PPFIA4: variants seen among roughly 807,000 people sequenced by gnomAD.
PPFIA4 encodes PPFI scaffold protein A4, also known as liprin-alpha-4.
In PPFIA4, 98 loss-of-function variants were observed where a neutral mutation model predicts 145.7. That is an observed-to-expected ratio of 0.67 (90% CI 0.57 to 0.80). PPFIA4 has a LOEUF of 0.80. Among genes scored for constraint, PPFIA4 ranks in the 30% least tolerant of loss-of-function variants. The probability of loss-of-function intolerance (pLI) is 0.00; values close to 1 mark genes in which losing one functional copy is unlikely to be tolerated. For synonymous variants in PPFIA4, 628 were observed against 649.6 expected (o/e 0.97, Z 0.51); for missense variants, 1,457 against 1,632.7 (o/e 0.89, Z 1.85).
chr1:203,056,586 G>A (rs1224789210), intron 18 of PPFIA4, 78 bp downstream of exon 18: 5 of 1,528,294 alleles, frequency 3.3e-6, no homozygotes, highest in Non-Finnish European at 3.5e-6. Flanking sequence ...TGCAGGGACC[G>A]CATCTCCCCT....
chr1:203,051,781 C>G lies in PPFIA4; in HGVS notation c.1524C>G (p.Gly508=). 6.2e-7 allele frequency: 1 copy of G among 1,612,970 alleles called. No homozygotes were observed. Among genetic ancestry groups the G allele is most frequent in the Non-Finnish European group, 8.5e-7 (1 of 1,179,510 alleles). The change falls in exon 14 of 30, where the codon GGC becomes GGG. Residue 508 remains glycine, a synonymous_variant. Transcript: ENST00000295706. ...VDGVHSRSHM[G]SAADVRFSLG... is the part of the protein sequence containing the mutation. ...ATCACCGCTCAAGGTCGCACATGGG[C>G]AGTGCAGCAGACGTGCGGTTCTCCC...
intron 19 of PPFIA4, 134 bp from the exon 20 acceptor site, chr1:203,059,044 G>A (rs1310567044): frequency 7.4e-6 from 5 of 675,354 alleles, no homozygotes; most frequent in Non-Finnish European, 1.3e-5. Flanking sequence ...AGAAGCTCCA[G>A]GAATAATGGT....
At position 203,048,413 on chromosome 1, in the gene PPFIA4, C is replaced by T. The variant is rs1660240164; in HGVS notation, c.1224+103C>T. 1 of 1,483,620 alleles carries T rather than the reference C, an allele frequency of 6.7e-7. No individual in the cohort carries two copies. Among genetic ancestry groups the T allele is most frequent in the African/African-American group, 1.4e-5 (1 of 71,764 alleles). 91.9% of individuals were successfully genotyped at this position (1,483,620 alleles called of 1,614,324 possible). A position where few individuals can be genotyped will look rare whatever the true frequency, so the allele number is the denominator to read the frequency against. ...CGGAGGAAGGGCCTGGCCAGGGACA[C>T]AGCCACAGAGAGTGGGAGGAGGCTG... On this transcript the variant is annotated intron_variant, in intron 10 of 29. Coordinates refer to ENST00000295706, the MANE Select transcript of PPFIA4 (RefSeq NM_001304331.2). The surrounding 1 kb of genome is among the most constrained non-coding windows in gnomAD (Gnocchi z 5.8).
At chr1:203,072,981 C>T (rs1033260671) in intron 28 of PPFIA4, among the ~76,000 whole-genome samples, 1 of 150,088 alleles carries the variant, frequency 6.7e-6, no homozygotes, top group Admixed American at 6.6e-5. Context: ...TCCACATGCA[C>T]TCAGGATCTC....
At chr1:203,052,702 A>G (rs1660625088) in intron 14 of PPFIA4, among the ~76,000 whole-genome samples, 1 of 152,196 alleles carries the variant, frequency 6.6e-6, no homozygotes, top group African/African-American at 2.4e-5. Context: ...GGCTTGGGTC[A>G]TAGAGGATGG....
chr1:203,060,490 C>G lies in PPFIA4; in HGVS notation c.2784+73C>G. On this transcript the variant is annotated intron_variant, in intron 22 of 29. Transcript: ENST00000295706. This position sits in a 1 kb window ranked among gnomAD's most constrained non-coding sequence, Gnocchi z 4.8. Reference sequence around the variant, plus strand: ...ATAGTTTGCAAGGTCTCCTGTTGGGCTTTGGGAAGATGGCAGCATTGAGCC... The same window carrying G: ...ATAGTTTGCAAGGTCTCCTGTTGGGGTTTGGGAAGATGGCAGCATTGAGCC... The G allele has an allele frequency of 6.6e-7, 1 of 1,511,524 alleles. No homozygotes were observed. Among genetic ancestry groups the G allele is most frequent in the Non-Finnish European group, 9.1e-7 (1 of 1,103,016 alleles). 93.6% of individuals were successfully genotyped at this position (1,511,524 alleles called of 1,614,324 possible).
At position 203,039,000 on chromosome 1, in the gene PPFIA4, A is replaced by G. The variant is rs1659493859; in HGVS notation, c.-9A>G. The G allele has an allele frequency of 6.8e-7, 1 of 1,460,890 alleles. No individual in the cohort carries two copies. 90.5% of individuals were successfully genotyped at this position (1,460,890 alleles called of 1,614,324 possible). On this transcript the variant is annotated 5_prime_UTR_variant, in exon 2 of 30. Coordinates refer to ENST00000295706, the MANE Select transcript of PPFIA4 (RefSeq NM_001304331.2). The stretch of plus-strand genomic sequence containing the variant: ...CCCTGACGCTGAGAAGGCCCTGCCA[A>G]CCCCCACCATGTGTGAGGTGATGCC...
chr1:203,042,289 G>T (rs150900649), intron 2 of PPFIA4, among the ~76,000 whole-genome samples: 7 of 152,296 alleles, frequency 4.6e-5, no homozygotes, highest in Non-Finnish European at 1.0e-4. Flanking sequence ...TTGTCCTGAT[G>T]GGGGAGGGTG....
Position 203,043,404 on chromosome 1 carries a change from C to T in PPFIA4, c.242C>T (p.Ala81Val), listed in dbSNP as rs996013336. 6.2e-7 allele frequency: 1 copy of T among 1,608,694 alleles called. No individual in the cohort carries two copies. ...GGCCTTGGGGGTTTTCAGGAATTTG[C>T]CACCTTAACCCGGGAGCTGAGCATG... ...HLNSALPQEF[A>V]TLTRELSMCR... The change falls in exon 3 of 30, where the codon GCC (alanine) becomes GTC (valine). Residue 81 changes from alanine to valine, a missense_variant. Transcript: ENST00000295706. The surrounding 1 kb of genome is among the most constrained non-coding windows in gnomAD (Gnocchi z 4.4).
At position 203,068,577 on chromosome 1, in the gene PPFIA4, C is replaced by G; in HGVS notation, c.3273C>G (p.Phe1091Leu). 6.3e-7 allele frequency: 1 copy of G among 1,594,900 alleles called. No homozygotes were observed. Among genetic ancestry groups the G allele is most frequent in the Non-Finnish European group, 8.5e-7 (1 of 1,171,304 alleles). Residue 1091 changes from phenylalanine to leucine, a missense_variant, in exon 27 of 30, where the codon TTC (phenylalanine) becomes TTG (leucine). Coordinates refer to ENST00000295706, the MANE Select transcript of PPFIA4 (RefSeq NM_001304331.2). This position sits in a 1 kb window ranked among gnomAD's most constrained non-coding sequence, Gnocchi z 4.7. ...CCTTGCTGGCCCTGGACGAGAACTT[C>G]GACCACAACACACTGGCCCTGATCC... ...HGALLALDEN[F>L]DHNTLALILQ... is the part of the protein sequence containing the mutation.
intron 13 of PPFIA4, chr1:203,051,362 A>C (rs1322476942): frequency 1.0e-6 from 1 of 974,596 alleles, no homozygotes; most frequent in Non-Finnish European, 1.2e-6. Flanking sequence ...GCCTCTAGAC[A>C]TCATCCCTTC....
chr1:203,063,939 A>ACCACC lies in PPFIA4; in HGVS notation c.2986_2987insCCACC (p.Met996ThrfsTer16). ...CATGGAGTGCCTGGTGGACGCCCGC[A>ACCACC]TGCTGGACCACCTCACCAAGAAGGA... On this transcript the variant is annotated frameshift_variant, in exon 25 of 30. Coordinates refer to ENST00000295706, the MANE Select transcript of PPFIA4 (RefSeq NM_001304331.2). LOFTEE classifies it high-confidence loss of function. 1 of 1,614,034 alleles carries ACCACC rather than the reference A, an allele frequency of 6.2e-7. No individual in the cohort carries two copies. Among genetic ancestry groups the ACCACC allele is most frequent in the African/African-American group, 1.3e-5 (1 of 75,056 alleles).
chr1:203,044,312 C>A, intron 4 of PPFIA4, 67 bp from the exon 5 acceptor site: 1 of 1,445,222 alleles, frequency 6.9e-7, no homozygotes, highest in Admixed American at 2.0e-5. Context: ...AGACCAAGCC[C>A]AGTCTCTTCC....
chr1:203,062,503 AAAAGAT>A (rs1420681372), intron 24 of PPFIA4, among the ~76,000 whole-genome samples: 1 of 149,858 alleles, frequency 6.7e-6, no homozygotes, highest in African/African-American at 2.5e-5. Flanking sequence ...AAAAAAAAAA[AAAAGAT>A]AGTCTCAATA....
At chr1:203,049,018 G>A (rs1660301046) in intron 12 of PPFIA4, 38 bp downstream of exon 12, 3 of 1,543,840 alleles carry the variant, frequency 1.9e-6, no homozygotes, top group East Asian at 2.4e-5. Context: ...GCCTGGGAGG[G>A]CCGGGTTGCA....
In PPFIA4 at chr1:203,064,100, C is replaced by T. The variant is rs554798778; in HGVS notation, c.3050+97C>T. On this transcript the variant is annotated intron_variant, in intron 25 of 29. Coordinates refer to ENST00000295706, the MANE Select transcript of PPFIA4 (RefSeq NM_001304331.2). ...GAACAGAGGTGCCTCCATCTCTTTC[C>T]GTGGTCTGTTCTGAGTGGCAACAGG... 1.8e-5 allele frequency: 25 copies of T among 1,365,922 alleles called. No homozygotes were observed. The African/African-American group carries it at 2.3e-4, about 13-fold the overall frequency. 84.6% of individuals were successfully genotyped at this position (1,365,922 alleles called of 1,614,324 possible). A position where few individuals can be genotyped will look rare whatever the true frequency, so the allele number is the denominator to read the frequency against.
intron 13 of PPFIA4, among the ~76,000 whole-genome samples, chr1:203,050,634 GA>G (rs1406244714): frequency 1.3e-5 from 2 of 152,168 alleles, no homozygotes; most frequent in Admixed American, 1.3e-4. Flanking sequence ...GGCAGTGGTT[GA>G]AATAGGGAAG....
chr1:203,052,050 C>CCT (rs200186992), intron 14 of PPFIA4, among the ~76,000 whole-genome samples, 173 bp downstream of exon 14: 6 of 138,510 alleles, frequency 4.3e-5, no homozygotes, highest in Non-Finnish European at 9.6e-5. Flanking sequence ...GCTGTGCCCC[C>CCT]CCCCCCGCTT....
chr1:203,053,842 G>A lies in PPFIA4; in HGVS notation c.1710G>A (p.Glu570=), dbSNP rs1387686207. 1 of 1,554,754 alleles carries A rather than the reference G, an allele frequency of 6.4e-7. No homozygotes were observed. Among genetic ancestry groups the A allele is most frequent in the African/African-American group, 1.4e-5 (1 of 73,340 alleles). Residue 570 remains glutamate (E), a synonymous_variant, in exon 15 of 30, where the codon GAG becomes GAA. Coordinates refer to ENST00000295706, the MANE Select transcript of PPFIA4 (RefSeq NM_001304331.2). ...ACCCTGAGATCTCCGACGTGGATGAGGATGAGCCAGGGGGTCTGGTGGGCT... is the reference window on the plus strand; with the variant it reads ...ACCCTGAGATCTCCGACGTGGATGAAGATGAGCCAGGGGGTCTGGTGGGCT... The part of the protein sequence containing the change: ...DSDPEISDVD[E]DEPGGLVGSA...
Sources: gnomAD v4.1 joint callset for allele counts (sites outside exome capture counted in the v4.1 genomes callset) on GRCh38, gnomAD v4.1.1 for gene constraint, Gnocchi (gnomAD v3.1) non-coding constraint, MANE v1.5 for transcripts, NCBI Gene and HGNC (gene_info 2026-07-23, HGNC 2026-07-21) for gene names.